The following XIRP2 variants were observed in gnomAD, a reference collection of about 807,000 sequenced individuals.
XIRP2 encodes xin actin-binding repeat-containing protein 2.
A neutral mutation model predicts 277.0 loss-of-function variants in XIRP2; 236 were observed. The ratio of observed to expected loss-of-function variants is 0.85; its 90% CI spans 0.77 to 0.95. The LOEUF (loss-of-function observed/expected upper bound fraction) is 0.95. Ranked by LOEUF, XIRP2 falls within the 40% of genes least tolerant of loss-of-function variation. The pLI is 0.00. For missense variants in XIRP2, 4,640 were observed against 4,157.5 expected (o/e 1.12, Z -3.19); for synonymous variants, 1,490 against 1,416.5 (o/e 1.05, Z -1.17).
intron 2 of XIRP2, among the ~76,000 whole-genome samples, chr2:166,966,551 T>C (rs1245669041): frequency 6.6e-6 from 1 of 151,950 alleles, no homozygotes; most frequent in Non-Finnish European, 1.5e-5. Flanking sequence ...ATAAATATCC[T>C]TTTTACTTTA....
chr2:167,116,063 A>G (rs1028751946), intron 2 of XIRP2, among the ~76,000 whole-genome samples: 9 of 152,190 alleles, frequency 5.9e-5, no homozygotes, highest in Admixed American at 5.9e-4. Context: ...AATATGGTCT[A>G]TCTTGGTATA....
chr2:167,182,270 C>T (rs1464265803), intron 3 of XIRP2, among the ~76,000 whole-genome samples: 1 of 152,126 alleles, frequency 6.6e-6, no homozygotes, highest in Non-Finnish European at 1.5e-5. Flanking sequence ...TGTATGCTAG[C>T]TAATAATATG....
intron 2 of XIRP2, among the ~76,000 whole-genome samples, chr2:167,014,726 A>G (rs1256630303): frequency 1.3e-5 from 2 of 151,866 alleles, no homozygotes; most frequent in Non-Finnish European, 2.9e-5. Context: ...TGAATGATGT[A>G]GCAGTAGCAA....
chr2:167,217,223 T>G (rs1290499881), intron 4 of XIRP2, among the ~76,000 whole-genome samples: 5 of 150,268 alleles, frequency 3.3e-5, no homozygotes, highest in Non-Finnish European at 7.4e-5. Context: ...GCATGGCACA[T>G]GTATACATAT....
In XIRP2 at chr2:167,245,439, A is replaced by G; in HGVS notation, c.4047A>G (p.Gly1349=). Residue 1349 remains glycine, a synonymous_variant, in exon 9 of 11, where the codon GGA becomes GGG. Coordinates refer to ENST00000409195, the MANE Select transcript of XIRP2 (RefSeq NM_152381.6). ...AGGTAATTCATGGAGATGTGCGAGG[A>G]ACAAGGTGGCTTTTTGAAACAAAGC... The part of the protein sequence containing the change: ...KEEVIHGDVR[G]TRWLFETKPL... The G allele has an allele frequency of 6.2e-7, 1 of 1,613,674 alleles. No homozygotes were observed. The highest frequency in any genetic ancestry group is 8.5e-7 in the Non-Finnish European group (1 of 1,179,738).
intron 3 of XIRP2, among the ~76,000 whole-genome samples, chr2:167,157,481 G>C (rs183446327): frequency 1.4e-4 from 22 of 152,154 alleles, no homozygotes; most frequent in East Asian, 3.9e-4. Flanking sequence ...AGGGAGAAGC[G>C]TGTGCATTTA....
At chr2:167,010,822 C>G (rs560135126) in intron 2 of XIRP2, among the ~76,000 whole-genome samples, 8 of 152,044 alleles carry the variant, frequency 5.3e-5, no homozygotes, top group Admixed American at 5.3e-4. Context: ...ATTTTATTCT[C>G]TTTGAAGCAA....
chr2:167,184,247 C>A (rs1693096094), intron 3 of XIRP2, among the ~76,000 whole-genome samples: 1 of 152,182 alleles, frequency 6.6e-6, no homozygotes, highest in Non-Finnish European at 1.5e-5. Flanking sequence ...TAAAGACAAG[C>A]AGTTGTTGCA....
At chr2:167,224,044 G>A (rs371476602) in intron 5 of XIRP2, among the ~76,000 whole-genome samples, 93 of 152,078 alleles carry the variant, frequency 6.1e-4, no homozygotes, top group African/African-American at 2.0e-3. Context: ...CAAGGTGCTG[G>A]CATCTTGTTA....
chr2:166,997,994 A>T (rs2105451224), intron 2 of XIRP2, among the ~76,000 whole-genome samples: 1 of 152,236 alleles, frequency 6.6e-6, no homozygotes, highest in East Asian at 1.9e-4. Context: ...CATCACATAG[A>T]GTTACAATTT....
intron 2 of XIRP2, among the ~76,000 whole-genome samples, chr2:167,043,319 A>T (rs1688710226): frequency 6.6e-6 from 1 of 152,142 alleles, no homozygotes. Flanking sequence ...AGGAGGAAAG[A>T]AATAACCAAA....
At chr2:166,892,976 G>GTA (rs1305023662) in intron 1 of XIRP2, among the ~76,000 whole-genome samples, 3 of 105,374 alleles carry the variant, frequency 2.8e-5, no homozygotes, top group Admixed American at 1.0e-4. Context: ...ATATATATAT[G>GTA]TATATACACA....
chr2:167,111,473 C>T (rs149629551), intron 2 of XIRP2, among the ~76,000 whole-genome samples: 9 of 152,226 alleles, frequency 5.9e-5, no homozygotes, highest in African/African-American at 1.9e-4. Flanking sequence ...TGCTGAATCA[C>T]ATTTATGGAT....
chr2:167,208,028 A>G (rs1693910202), intron 3 of XIRP2, among the ~76,000 whole-genome samples: 1 of 152,180 alleles, frequency 6.6e-6, no homozygotes. Context: ...TTTAGTGTGC[A>G]ATGAATTCTA....
chr2:167,160,332 G>A (rs73019962), intron 3 of XIRP2, among the ~76,000 whole-genome samples: 15,046 of 152,200 alleles, frequency 0.099, 794 homozygotes, highest in South Asian at 0.15. Flanking sequence ...CTATGGATGT[G>A]CATGCACACA....
chr2:166,970,059 A>G (rs1686538201), intron 2 of XIRP2, among the ~76,000 whole-genome samples: 1 of 152,074 alleles, frequency 6.6e-6, no homozygotes, highest in Admixed American at 6.6e-5. Flanking sequence ...TGAAATGTTT[A>G]TGGACAACAT....
chr2:166,902,398 G>A (rs7595556), intron 1 of XIRP2, among the ~76,000 whole-genome samples: 27,837 of 151,966 alleles, frequency 0.18, 3,147 homozygotes, highest in Admixed American at 0.27. Flanking sequence ...AAGAAATTTG[G>A]AGCTATTGTG....
chr2:166,941,094 C>T (rs545651277), intron 2 of XIRP2, among the ~76,000 whole-genome samples: 2 of 152,318 alleles, frequency 1.3e-5, no homozygotes, highest in African/African-American at 4.8e-5. Flanking sequence ...GGGCTCCACT[C>T]AGTTCGAGCT....
chr2:167,228,530 C>T (rs764888637), intron 5 of XIRP2, among the ~76,000 whole-genome samples: 11 of 152,088 alleles, frequency 7.2e-5, no homozygotes, highest in Non-Finnish European at 1.5e-4. Flanking sequence ...TACAGTGTGT[C>T]CATTCAGCTG....
Sources: gnomAD v4.1 joint callset for allele counts (sites outside exome capture counted in the v4.1 genomes callset) on GRCh38, gnomAD v4.1.1 for gene constraint, MANE v1.5 for transcripts, NCBI Gene and HGNC (gene_info 2026-07-23, HGNC 2026-07-21) for gene names.